ARHGEF39: variants seen among roughly 807,000 people sequenced by gnomAD.
ARHGEF39 encodes Rho guanine nucleotide exchange factor 39.
ARHGEF39 carries 45 observed loss-of-function variants against 47.5 expected under a neutral mutation model. The ratio of observed to expected loss-of-function variants is 0.95; its 90% CI spans 0.75 to 1.22. The LOEUF (loss-of-function observed/expected upper bound fraction) is 1.22. Ranked by LOEUF, ARHGEF39 falls within the 50% of genes most tolerant of loss-of-function variation. ARHGEF39 has a pLI of 0.00. For missense variants in ARHGEF39, 411 were observed against 425.3 expected (o/e 0.97, Z 0.30); for synonymous variants, 164 against 167.8 (o/e 0.98, Z 0.17).
At position 35,662,279 on chromosome 9, in the gene ARHGEF39, CCA is replaced by C; in HGVS notation, c.904-14_904-13del. The C allele has an allele frequency of 1.9e-6, 3 of 1,610,440 alleles. No individual in the cohort carries two copies. The highest frequency in any genetic ancestry group is 1.7e-6 in the Non-Finnish European group (2 of 1,176,680). Reference sequence around the variant, plus strand: ...TGAGGGAAGGACAGCTAGAGAGAGACCACCTCTTAGCGCATGGCTCAGAAAGG... The same window carrying C: ...TGAGGGAAGGACAGCTAGAGAGAGACCCTCTTAGCGCATGGCTCAGAAAGG... On this transcript the variant is annotated splice_polypyrimidine_tract_variant and intron_variant, in intron 7 of 8. Transcript: ENST00000378387.
chr9:35,665,110 C>A lies in ARHGEF39; in HGVS notation c.60G>T (p.Glu20Asp). The change falls in exon 1 of 9, where the codon GAG (glutamate) becomes GAT (aspartate). Residue 20 changes from glutamate (E) to aspartate (D), a missense_variant. Coordinates refer to ENST00000378387, the MANE Select transcript of ARHGEF39 (RefSeq NM_032818.3). Reference sequence around the variant, plus strand: ...CCCGGGCGGTGCAGGCGCGTTTCCGCTCCCAGCGGGCACGCTGCTCTTGCA... The same window carrying A: ...CCCGGGCGGTGCAGGCGCGTTTCCGATCCCAGCGGGCACGCTGCTCTTGCA... ...CPVQEQRARW[E>D]RKRACTAREL... is the part of the protein sequence containing the mutation. 1 of 1,549,142 alleles carries A rather than the reference C, an allele frequency of 6.5e-7. No individual in the cohort carries two copies. Among genetic ancestry groups the A allele is most frequent in the East Asian group, 2.4e-5 (1 of 41,444 alleles).
In ARHGEF39 at chr9:35,661,043, A is replaced by ATG; in HGVS notation, c.*942_*943dup. On this transcript the variant is annotated 3_prime_UTR_variant, in exon 9 of 9. Coordinates refer to ENST00000378387, the MANE Select transcript of ARHGEF39 (RefSeq NM_032818.3). ...AGCCCACAAACTGGAGCACAGAGACATGGAACCTAGCTACTTCCTGGGAGG... is the reference window on the plus strand; with the variant it reads ...AGCCCACAAACTGGAGCACAGAGACATGTGGAACCTAGCTACTTCCTGGGAGG... 1 of 1,614,200 alleles carries ATG rather than the reference A, an allele frequency of 6.2e-7. No individual in the cohort carries two copies. Among genetic ancestry groups the ATG allele is most frequent in the South Asian group, 1.1e-5 (1 of 91,088 alleles).
In ARHGEF39 at chr9:35,660,459, C is replaced by A. The variant is rs768700325; in HGVS notation, c.*1528G>T. 3.1e-6 allele frequency: 5 copies of A among 1,613,092 alleles called. No homozygotes were observed. In the Admixed American group the frequency reaches 6.7e-5, roughly 22 times the overall value. ...GCAAGCAAGCAGCAGCCACTGCAGT[C>A]AGGTGGGTTTAGCAGAAGTCTGTGC... On this transcript the variant is annotated 3_prime_UTR_variant, in exon 9 of 9. Coordinates refer to ENST00000378387, the MANE Select transcript of ARHGEF39 (RefSeq NM_032818.3).
rs748378818 is a variant in ARHGEF39 at position 35,662,721 on chromosome 9, C to T, written c.694G>A (p.Gly232Ser). ...TGGGGAGGCACCACTAACAGCCAGC[C>T]CTGGCGTAGGAACCAGCGCCCTGGG... ...LTSGRWFLRQ[G>S]WLLVVPPHGE... Residue 232 changes from glycine (G) to serine (S), a missense_variant, in exon 7 of 9, where the codon GGC (glycine) becomes AGC (serine). Coordinates refer to ENST00000378387, the MANE Select transcript of ARHGEF39 (RefSeq NM_032818.3). 1.4e-5 allele frequency: 22 copies of T among 1,564,860 alleles called. No individual in the cohort carries two copies. Among genetic ancestry groups the T allele is most frequent in the Non-Finnish European group, 1.8e-5 (21 of 1,154,720 alleles).
In ARHGEF39 at chr9:35,661,092, T is replaced by C. The variant is rs745464083; in HGVS notation, c.*895A>G. 3 of 1,613,940 alleles carry C rather than the reference T, an allele frequency of 1.9e-6. No individual in the cohort carries two copies. The highest frequency in any genetic ancestry group is 2.2e-5 in the South Asian group (2 of 91,072). On this transcript the variant is annotated 3_prime_UTR_variant, in exon 9 of 9. Coordinates refer to ENST00000378387, the MANE Select transcript of ARHGEF39 (RefSeq NM_032818.3). ...GGTGGGGCGGGGACTACGGAGAAGG[T>C]GCAGCCAGGCTGTGGCAAAGGGCCC...
At position 35,663,406 on chromosome 9, in the gene ARHGEF39, G is replaced by A; in HGVS notation, c.474-14C>T. 6.2e-7 allele frequency: 1 copy of A among 1,611,532 alleles called. No homozygotes were observed. Among genetic ancestry groups the A allele is most frequent in the Middle Eastern group, 1.8e-4 (1 of 5,434 alleles). On this transcript the variant is annotated splice_polypyrimidine_tract_variant and intron_variant, in intron 4 of 8. Transcript: ENST00000378387. ...AGATTCTCATACCTGGAATTCAACA[G>A]TGGGAAGTCTGAGGGGAAGCAGAGC...
rs767526928 is a variant in ARHGEF39 at position 35,665,028 on chromosome 9, C to G, written c.138+4G>C. ...ATAATGGGAGCGTGTGCCAGGTCCC[C>G]CACCGTGGCCACCAGCCCCAGCTGT... On this transcript the variant is annotated splice_donor_region_variant and intron_variant, in intron 1 of 8. Coordinates refer to ENST00000378387, the MANE Select transcript of ARHGEF39 (RefSeq NM_032818.3). The G allele has an allele frequency of 4.2e-5, 66 of 1,553,966 alleles. No individual in the cohort carries two copies. Among genetic ancestry groups the G allele is most frequent in the Admixed American group, 7.8e-5 (4 of 51,510 alleles).
chr9:35,662,020 T>G lies in ARHGEF39; in HGVS notation c.993-18A>C, dbSNP rs549593972. ...TCTGGCTGCTGTGGAGAGAAGACAG[T>G]CAGTTCAGGCACTGGTATGAGTGCT... On this transcript the variant is annotated intron_variant, in intron 8 of 8. Coordinates refer to ENST00000378387, the MANE Select transcript of ARHGEF39 (RefSeq NM_032818.3). 6.2e-7 allele frequency: 1 copy of G among 1,613,936 alleles called. No individual in the cohort carries two copies. Among genetic ancestry groups the G allele is most frequent in the South Asian group, 1.1e-5 (1 of 91,048 alleles).
chr9:35,661,975 T>C lies in ARHGEF39; in HGVS notation c.*12A>G, dbSNP rs1823972558. On this transcript the variant is annotated 3_prime_UTR_variant, in exon 9 of 9. Transcript: ENST00000378387. ...CTGAGGTATCCTGAGTTCTGGAATC[T>C]ATAAGATTCCTCTAGTTTTTCTGGC... 3 of 1,613,628 alleles carry C rather than the reference T, an allele frequency of 1.9e-6. No homozygotes were observed. In the East Asian group the frequency reaches 6.7e-5, roughly 36 times the overall value.
Position 35,662,509 on chromosome 9 carries a change from T to TA in ARHGEF39, c.903+2dup, listed in dbSNP as rs1182397408. ...GGGTCTAGGGTTCCCACCTATTACTTACACTGAGCAACCCACCACAAGGGC... is the reference window on the plus strand; with the variant it reads ...GGGTCTAGGGTTCCCACCTATTACTTAACACTGAGCAACCCACCACAAGGGC... On this transcript the variant is annotated splice_region_variant and intron_variant, in intron 7 of 8. Coordinates refer to ENST00000378387, the MANE Select transcript of ARHGEF39 (RefSeq NM_032818.3). 2.5e-6 allele frequency: 4 copies of TA among 1,611,280 alleles called. No individual in the cohort carries two copies. The African/African-American group carries it at 5.3e-5, about 22-fold the overall frequency.
chr9:35,660,574 T>G lies in ARHGEF39; in HGVS notation c.*1413A>C. On this transcript the variant is annotated 3_prime_UTR_variant, in exon 9 of 9. Coordinates refer to ENST00000378387, the MANE Select transcript of ARHGEF39 (RefSeq NM_032818.3). ...ATCCCCAGAGCAACAGCTGGCCCAGTTGACACAACAGCTGGCCCAGACAGA... is the reference window on the plus strand; with the variant it reads ...ATCCCCAGAGCAACAGCTGGCCCAGGTGACACAACAGCTGGCCCAGACAGA... The G allele has an allele frequency of 5.0e-6, 8 of 1,614,082 alleles. No individual in the cohort carries two copies. Among genetic ancestry groups the G allele is most frequent in the Non-Finnish European group, 5.9e-6 (7 of 1,179,990 alleles).
chr9:35,662,320 T>C, intron 7 of ARHGEF39, 53 bp from the exon 8 acceptor site: 1 of 1,554,192 alleles, frequency 6.4e-7, no homozygotes, highest in African/African-American at 1.4e-5. Context: ...AGGCTAAAGC[T>C]GAAGCCCTTG....
chr9:35,662,485 G>C (rs1824006937), intron 7 of ARHGEF39, 27 bp downstream of exon 7: 2 of 1,593,428 alleles, frequency 1.3e-6, no homozygotes, highest in Non-Finnish European at 1.7e-6. Flanking sequence ...ACATATTTTG[G>C]GTCTAGGGTT....
chr9:35,663,376 C>G lies in ARHGEF39; in HGVS notation c.490G>C (p.Val164Leu). The change falls in exon 5 of 9, where the codon GTA becomes CTA. Residue 164 changes from valine (V) to leucine (L), a missense_variant. Coordinates refer to ENST00000378387, the MANE Select transcript of ARHGEF39 (RefSeq NM_032818.3). The stretch of plus-strand genomic sequence containing the variant: ...GGACCTGTGTTTTCAGCCAAAGCTA[C>G]GACGAGATTCTCATACCTGGAATTC... ...QRLQQYENLV[V>L]ALAENTGPNS... 6.2e-7 allele frequency: 1 copy of G among 1,613,660 alleles called. No homozygotes were observed. The highest frequency in any genetic ancestry group is 8.5e-7 in the Non-Finnish European group (1 of 1,179,814).
chr9:35,663,469 T>C (rs915853818), intron 4 of ARHGEF39, 77 bp from the exon 5 acceptor site: 1 of 1,252,040 alleles, frequency 8.0e-7, no homozygotes, highest in Non-Finnish European at 1.2e-6. Context: ...CAGATCACCC[T>C]CTACCCATAC....
rs140449147 is a variant in ARHGEF39 at position 35,660,787 on chromosome 9, T to C, written c.*1200A>G. On this transcript the variant is annotated 3_prime_UTR_variant, in exon 9 of 9. Transcript: ENST00000378387. ...GGAGCCCAGCAGGAGCTTCTGAACATGAAGCTATGGACCATCCACGAGCTG... is the reference window on the plus strand; with the variant it reads ...GGAGCCCAGCAGGAGCTTCTGAACACGAAGCTATGGACCATCCACGAGCTG... The C allele has an allele frequency of 8.7e-5, 140 of 1,614,082 alleles. No homozygotes were observed. In the African/African-American group the frequency reaches 1.7e-3, roughly 19 times the overall value.
chr9:35,664,619 G>A (rs1166384971), intron 2 of ARHGEF39, 127 bp from the exon 3 acceptor site: 2 of 1,477,634 alleles, frequency 1.4e-6, no homozygotes, highest in Non-Finnish European at 1.8e-6. Flanking sequence ...ACAAGGGCAT[G>A]CTAAGGCCCT....
At chr9:35,662,462 A>G (rs1824004775) in intron 7 of ARHGEF39, 50 bp downstream of exon 7, 1 of 1,560,316 alleles carries the variant, frequency 6.4e-7, no homozygotes, top group Non-Finnish European at 8.7e-7. Flanking sequence ...AAACCAGCCC[A>G]TAAGCATCTG....
At chr9:35,662,422 C>G (rs558372945) in intron 7 of ARHGEF39, 90 bp downstream of exon 7, 3 of 1,442,832 alleles carry the variant, frequency 2.1e-6, no homozygotes, top group Non-Finnish European at 2.8e-6. Flanking sequence ...TGGCTCTGTT[C>G]CTATGAAAAG....
Sources: allele counts gnomAD v4.1 joint callset, GRCh38; gene constraint gnomAD v4.1.1; transcripts MANE v1.5; gene names NCBI Gene and HGNC (gene_info 2026-07-23, HGNC 2026-07-21).